MECR: variants seen among roughly 807,000 people sequenced by gnomAD.
The protein encoded by MECR is mitochondrial trans-2-enoyl-CoA reductase.
Under a neutral mutation model 49.1 loss-of-function variants are expected in MECR, and 37 were observed. The observed-to-expected ratio is 0.75, with a 90% CI of 0.58 to 0.99. The LOEUF (loss-of-function observed/expected upper bound fraction) is 0.99. MECR is among the 50% of genes least tolerant of loss of function. MECR has a pLI of 0.00. For synonymous variants in MECR, 198 were observed against 191.1 expected (o/e 1.04, Z -0.30); for missense variants, 470 against 479.6 (o/e 0.98, Z 0.19).
chr1:29,230,071 T>C (rs537234609), intron 1 of MECR, among the ~76,000 whole-genome samples: 2 of 152,310 alleles, frequency 1.3e-5, no homozygotes, highest in South Asian at 4.1e-4. Flanking sequence ...GCAGCTCTTT[T>C]TAACCAAGCC....
downstream of MECR, among the ~76,000 whole-genome samples, chr1:29,190,884 G>A (rs1212601043): frequency 1.3e-5 from 2 of 151,898 alleles, no homozygotes; most frequent in African/African-American, 4.8e-5. Context: ...GATCTTGTTA[G>A]CTGCAAGGGA....
At chr1:29,181,356 C>T in the MECR span, among the ~76,000 whole-genome samples, 1 of 152,104 alleles carries the variant, frequency 6.6e-6, no homozygotes, top group Non-Finnish European at 1.5e-5. Flanking sequence ...CCCGGGCGCC[C>T]TGGAGCTGTG....
intron 1 of MECR, among the ~76,000 whole-genome samples, chr1:29,228,673 T>C (rs1682719191): frequency 1.3e-5 from 2 of 151,974 alleles, no homozygotes; most frequent in Non-Finnish European, 2.9e-5. Context: ...AAGGACATAA[T>C]AGAAGCTTTT....
At chr1:29,210,249 T>C (rs1213355146) in intron 3 of MECR, among the ~76,000 whole-genome samples, 1 of 152,166 alleles carries the variant, frequency 6.6e-6, no homozygotes, top group African/African-American at 2.4e-5. Context: ...CCTGACCTCG[T>C]GATCCGCCCA....
the MECR span, chr1:29,181,501 C>T: frequency 1.6e-6 from 1 of 641,938 alleles, no homozygotes. Flanking sequence ...CTACCCGCGC[C>T]CCCGAGGCGC....
At chr1:29,195,877 T>C (rs1308236872) in intron 9 of MECR, 64 bp downstream of exon 9, 1 of 1,549,438 alleles carries the variant, frequency 6.5e-7, no homozygotes, top group African/African-American at 1.4e-5. Flanking sequence ...TAGCTGGTCA[T>C]TTCTGCTGCC....
chr1:29,190,156 C>T (rs1574210804), downstream of MECR, among the ~76,000 whole-genome samples: 1 of 151,066 alleles, frequency 6.6e-6, no homozygotes, highest in African/African-American at 2.4e-5. Context: ...GGGCGGATCA[C>T]GAGGTCAGGA....
the MECR span, chr1:29,169,868 G>C: frequency 1.3e-5 from 2 of 152,228 alleles, no homozygotes; most frequent in Non-Finnish European, 2.9e-5. Context: ...ATGGGAGGTA[G>C]AGAGGAATCT....
intron 1 of MECR, among the ~76,000 whole-genome samples, chr1:29,222,103 C>CT (rs1199352341): frequency 6.6e-6 from 1 of 151,924 alleles, no homozygotes; most frequent in Non-Finnish European, 1.5e-5. Context: ...TATTTCTTTT[C>CT]TTTTTTTTGA....
In MECR at chr1:29,193,699, G is replaced by C. The variant is rs1673300692; in HGVS notation, c.*323C>G. ...GTACCCACCCAGGCTTTGCTTTCAGGGTGGTCAGAAAATGATTACTGGGGG... is the reference window on the plus strand; with the variant it reads ...GTACCCACCCAGGCTTTGCTTTCAGCGTGGTCAGAAAATGATTACTGGGGG... On this transcript the variant is annotated 3_prime_UTR_variant, in exon 10 of 10. Coordinates refer to ENST00000263702, the MANE Select transcript of MECR (RefSeq NM_016011.5). 3.7e-6 allele frequency: 1 copy of C among 272,802 alleles called. No homozygotes were observed. The highest frequency in any genetic ancestry group is 4.9e-5 in the Admixed American group (1 of 20,548). 16.9% of individuals were successfully genotyped at this position (272,802 alleles called of 1,614,324 possible).
chr1:29,206,885 C>T lies in MECR; in HGVS notation c.427G>A (p.Val143Met). The T allele has an allele frequency of 6.2e-7, 1 of 1,614,154 alleles. No homozygotes were observed. Among genetic ancestry groups the T allele is most frequent in the Non-Finnish European group, 8.5e-7 (1 of 1,180,008 alleles). Reference protein sequence around the residue: ...AGLGTWRTEAVFSEEALIQVP... With the variant: ...AGLGTWRTEAMFSEEALIQVP... ...TGGATCAGTGCTTCCTCGCTGAACA[C>T]AGCCTCGGTCCGCCAGGTTCCTGAG... Residue 143 changes from valine to methionine, a missense_variant, in exon 4 of 10, where the codon GTG becomes ATG. Transcript: ENST00000263702.
chr1:29,203,301 C>G (rs189368338), intron 4 of MECR, 68 bp from the exon 5 acceptor site: 1 of 1,292,554 alleles, frequency 7.7e-7, no homozygotes, highest in South Asian at 1.4e-5. Context: ...GGCTCCCAGC[C>G]GGGGATCCTT....
chr1:29,178,512 T>A, the MECR span, among the ~76,000 whole-genome samples: 11 of 151,880 alleles, frequency 7.2e-5, no homozygotes, highest in Non-Finnish European at 1.6e-4. Context: ...CCCGGCTACT[T>A]TTTTTTAATT....
intron 1 of MECR, among the ~76,000 whole-genome samples, chr1:29,229,339 A>G (rs1682891190): frequency 1.3e-5 from 2 of 151,932 alleles, no homozygotes; most frequent in Admixed American, 1.3e-4. Context: ...AGTAGCAGGG[A>G]TTACAGGTGC....
the MECR span, among the ~76,000 whole-genome samples, chr1:29,177,283 G>GT: frequency 0.21 from 28,851 of 137,738 alleles, 3,373 homozygotes; most frequent in Non-Finnish European, 0.29. Flanking sequence ...AACTCTTTTT[G>GT]TTTTTTTTTT....
chr1:29,219,041 G>A (rs1393622209), intron 1 of MECR, among the ~76,000 whole-genome samples: 1 of 152,058 alleles, frequency 6.6e-6, no homozygotes, highest in African/African-American at 2.4e-5. Context: ...AGCAGGTAAG[G>A]GGCTGACCCC....
chr1:29,202,412 C>G (rs1207604435), intron 5 of MECR, among the ~76,000 whole-genome samples: 1 of 152,184 alleles, frequency 6.6e-6, no homozygotes, highest in Non-Finnish European at 1.5e-5. Context: ...CATACACAGT[C>G]TAGACCAGGA....
chr1:29,221,315 T>C (rs1259044524), intron 1 of MECR: 1 of 152,192 alleles, frequency 6.6e-6, no homozygotes, highest in Non-Finnish European at 1.5e-5. Context: ...GGTGCTGAGG[T>C]TGGCTGACAG....
chr1:29,228,583 A>G (rs187333441), intron 1 of MECR, among the ~76,000 whole-genome samples: 125 of 152,184 alleles, frequency 8.2e-4, no homozygotes, highest in African/African-American at 2.9e-3. Flanking sequence ...CCCAAAGTGC[A>G]GGGATTACAG....
Sources: allele counts gnomAD v4.1 joint callset (sites outside exome capture counted in the v4.1 genomes callset), GRCh38; gene constraint gnomAD v4.1.1; transcripts MANE v1.5; gene names NCBI Gene and HGNC (gene_info 2026-07-23, HGNC 2026-07-21).